PARD3: variants seen among roughly 807,000 people sequenced by gnomAD.
PARD3 encodes par-3 family cell polarity regulator, also known as partitioning defective 3 homolog.
A neutral mutation model predicts 155.4 loss-of-function variants in PARD3; 75 were observed. That is an observed-to-expected ratio of 0.48 (90% CI 0.40 to 0.58). The LOEUF (loss-of-function observed/expected upper bound fraction) is 0.58, where lower values mean the gene tolerates loss of function less well. Ranked by LOEUF, PARD3 falls within the 20% of genes least tolerant of loss-of-function variation. The pLI is 0.00. For synonymous variants in PARD3, 576 were observed against 610.5 expected (o/e 0.94, Z 0.83); for missense variants, 1,642 against 1,721.7 (o/e 0.95, Z 0.82).
chr10:34,763,554 G>C (rs969533396), intron 1 of PARD3, among the ~76,000 whole-genome samples: 1 of 152,108 alleles, frequency 6.6e-6, no homozygotes, highest in Non-Finnish European at 1.5e-5. Context: ...TGAGTCATAT[G>C]GGGCTGAGAA....
intron 1 of PARD3, among the ~76,000 whole-genome samples, chr10:34,766,097 A>G (rs767456386): frequency 3.3e-5 from 5 of 152,250 alleles, no homozygotes; most frequent in Non-Finnish European, 7.3e-5. Context: ...TCAACAGTCC[A>G]AGTTAACAGT....
intron 22 of PARD3, among the ~76,000 whole-genome samples, chr10:34,255,630 G>A (rs1364632253): frequency 6.6e-6 from 1 of 152,168 alleles, no homozygotes; most frequent in African/African-American, 2.4e-5. Context: ...GGAGGGAACT[G>A]TTTCCAGGTC....
At chr10:34,434,158 C>T (rs931093282) in intron 5 of PARD3, among the ~76,000 whole-genome samples, 12 of 152,058 alleles carry the variant, frequency 7.9e-5, no homozygotes, top group Admixed American at 7.9e-4. Flanking sequence ...CCAGCATGTT[C>T]AAAGACCCAG....
chr10:34,740,441 A>G (rs2094988556), intron 1 of PARD3, among the ~76,000 whole-genome samples: 1 of 152,236 alleles, frequency 6.6e-6, no homozygotes, highest in South Asian at 2.1e-4. Flanking sequence ...TTTTGAATCC[A>G]TGGCAGTAGC....
chr10:34,742,576 G>A (rs1307802146), intron 1 of PARD3, among the ~76,000 whole-genome samples: 3 of 152,056 alleles, frequency 2.0e-5, no homozygotes, highest in Non-Finnish European at 4.4e-5. Context: ...AAGATCAATG[G>A]CAATTACTCT....
At chr10:34,565,929 A>C (rs535436427) in intron 2 of PARD3, among the ~76,000 whole-genome samples, 1 of 152,358 alleles carries the variant, frequency 6.6e-6, no homozygotes, top group East Asian at 1.9e-4. Context: ...TTGTGTCAAA[A>C]GGAAAATACA....
chr10:34,814,323 G>C (rs896930743), intron 1 of PARD3, among the ~76,000 whole-genome samples: 15 of 152,122 alleles, frequency 9.9e-5, no homozygotes, highest in Non-Finnish European at 1.9e-4. Context: ...CTACCAGCAG[G>C]GGACATGGAG....
chr10:34,359,919 C>T, intron 13 of PARD3, 152 bp downstream of exon 13: 1 of 617,426 alleles, frequency 1.6e-6, no homozygotes, highest in South Asian at 2.1e-5. Flanking sequence ...CCACGTGACA[C>T]ATCACTGATA....
intron 2 of PARD3, among the ~76,000 whole-genome samples, chr10:34,622,684 C>G (rs528092345): frequency 6.6e-6 from 1 of 152,078 alleles, no homozygotes; most frequent in Non-Finnish European, 1.5e-5. Context: ...CAGTCATTTT[C>G]AGTTTCTTCA....
chr10:34,590,942 G>A (rs539662786), intron 2 of PARD3, among the ~76,000 whole-genome samples: 23 of 152,156 alleles, frequency 1.5e-4, no homozygotes, highest in Middle Eastern at 3.4e-3. Flanking sequence ...TAACTCCCCC[G>A]CCTTTCCTTC....
At position 34,284,673 on chromosome 10, in the gene PARD3, C is replaced by T. The variant is rs560772440; in HGVS notation, c.3066-428G>A. Among the ~76,000 whole-genome samples, 6 of 152,274 alleles carry T rather than the reference C, an allele frequency of 3.9e-5. No homozygotes were observed. In the South Asian group the frequency reaches 6.2e-4, roughly 16 times the overall value. On this transcript the variant is annotated intron_variant, in intron 20 of 24. Transcript: ENST00000374788. ...TAGTTAATAATCTTTCCATAAACAA[C>T]TATTCTTTATTTTCACAGCCAGGCT...
intron 2 of PARD3, among the ~76,000 whole-genome samples, chr10:34,566,115 G>A (rs1176640602): frequency 6.6e-6 from 1 of 152,158 alleles, no homozygotes; most frequent in South Asian, 2.1e-4. Flanking sequence ...GAGGAATAAT[G>A]TCCGGCCCTG....
chr10:34,490,182 A>G (rs1014127167), intron 3 of PARD3, among the ~76,000 whole-genome samples: 1 of 152,232 alleles, frequency 6.6e-6, no homozygotes, highest in African/African-American at 2.4e-5. Context: ...AAGAAAAGAC[A>G]CTATTCATTA....
At chr10:34,379,704 T>C (rs1190957022) in intron 9 of PARD3, among the ~76,000 whole-genome samples, 1 of 152,134 alleles carries the variant, frequency 6.6e-6, no homozygotes, top group Non-Finnish European at 1.5e-5. Flanking sequence ...TCAATTTTCA[T>C]TTAACAAAGC....
chr10:34,183,877 A>G lies in PARD3; in HGVS notation c.3420-52294T>C, dbSNP rs370737417. The stretch of plus-strand genomic sequence containing the variant: ...TGTACGTGTCGTTAATCCTATCGGC[A>G]TGAAACCAAGAACCCTGGGGTTCCT... On this transcript the variant is annotated intron_variant, in intron 22 of 24. Coordinates refer to ENST00000374788, the MANE Select transcript of PARD3 (RefSeq NM_001184785.2). 1.6e-4 allele frequency among the ~76,000 whole-genome samples: 24 copies of G among 152,308 alleles called. No individual in the cohort carries two copies. In the East Asian group the frequency reaches 2.3e-3, roughly 15 times the overall value.
At chr10:34,245,035 AAAG>A (rs990552946) in intron 22 of PARD3, among the ~76,000 whole-genome samples, 13 of 151,878 alleles carry the variant, frequency 8.6e-5, no homozygotes, top group African/African-American at 3.2e-4. Context: ...CAACATCACC[AAAG>A]AAGATGTCGG....
intron 22 of PARD3, among the ~76,000 whole-genome samples, chr10:34,152,610 G>A (rs375847477): frequency 2.0e-5 from 3 of 152,164 alleles, no homozygotes; most frequent in East Asian, 3.9e-4. Context: ...GTCACAGATT[G>A]CATCATTAAG....
At chr10:34,496,254 A>T (rs973098293) in intron 3 of PARD3, among the ~76,000 whole-genome samples, 1 of 152,116 alleles carries the variant, frequency 6.6e-6, no homozygotes, top group Non-Finnish European at 1.5e-5. Flanking sequence ...AAACTGATAA[A>T]GAAACAGATG....
chr10:34,400,764 C>G (rs539358037), intron 6 of PARD3, among the ~76,000 whole-genome samples: 2 of 151,150 alleles, frequency 1.3e-5, no homozygotes, highest in Non-Finnish European at 1.5e-5. Context: ...ATCACATGCA[C>G]TAATTAAGAC....
Sources: gnomAD v4.1 joint callset for allele counts (sites outside exome capture counted in the v4.1 genomes callset) on GRCh38, gnomAD v4.1.1 for gene constraint, MANE v1.5 for transcripts, NCBI Gene and HGNC (gene_info 2026-07-23, HGNC 2026-07-21) for gene names.